MYO18A: variants seen among roughly 807,000 people sequenced by gnomAD.
The protein encoded by MYO18A is unconventional myosin-XVIIIa.
Under a neutral mutation model 235.8 loss-of-function variants are expected in MYO18A, and 78 were observed. That is an observed-to-expected ratio of 0.33 (90% CI 0.28 to 0.40). The LOEUF (loss-of-function observed/expected upper bound fraction) is 0.40, where lower values mean the gene tolerates loss of function less well. Among genes scored for constraint, MYO18A ranks in the 10% least tolerant of loss-of-function variants. The pLI is 1.00. For missense variants in MYO18A, 2,215 were observed against 2,699.3 expected (o/e 0.82, Z 3.98); for synonymous variants, 977 against 1,077.8 (o/e 0.91, Z 1.83).
chr17:29,102,390 G>A (rs2066676184), intron 21 of MYO18A, among the ~76,000 whole-genome samples: 1 of 152,212 alleles, frequency 6.6e-6, no homozygotes, highest in African/African-American at 2.4e-5. Context: ...GAGAGACCCT[G>A]CAGCTGAAGC....
chr17:29,115,394 G>A lies in MYO18A; in HGVS notation c.2275C>T (p.Leu759Phe), dbSNP rs373436422. The A allele has an allele frequency of 3.7e-6, 6 of 1,613,774 alleles. No individual in the cohort carries two copies. The highest frequency in any genetic ancestry group is 2.7e-5 in the African/African-American group (2 of 74,936). The change falls in exon 13 of 42, where the codon CTC (leucine) becomes TTC (phenylalanine). Residue 759 changes from leucine (L) to phenylalanine (F), a missense_variant. By Grantham distance (22) the Leu-to-Phe change is conservative. Transcript: ENST00000527372. ...AGAAGGGTGAAGAGCTCGCTGTAGA[G>A]GCCGGCCGCCATGCCCTCAAGGCAC... is the stretch of plus-strand genomic sequence containing the variant. ...LECLEGMAAG[L>F]YSELFTLLVS...
chr17:29,134,788 G>T lies in MYO18A; in HGVS notation c.1000-12535C>A, dbSNP rs562196991. Among the ~76,000 whole-genome samples the T allele has an allele frequency of 5.9e-5, 9 of 152,262 alleles. No homozygotes were observed. In the South Asian group the frequency reaches 1.9e-3, roughly 32 times the overall value. On this transcript the variant is annotated intron_variant, in intron 2 of 41. Coordinates refer to ENST00000527372, the MANE Select transcript of MYO18A (RefSeq NM_078471.4). ...CCCACCTGCCTCAGCTTCCCAAAGC[G>T]CTGGGATTACAGGTGTGAGCCACCA...
chr17:29,075,296 T>G, intron 41 of MYO18A: 1 of 201,280 alleles, frequency 5.0e-6, no homozygotes, highest in Non-Finnish European at 1.1e-5. Context: ...TGAACCACAT[T>G]GGCTTGGAGA....
chr17:29,089,290 A>G (rs1402761136), intron 37 of MYO18A, among the ~76,000 whole-genome samples: 5 of 150,902 alleles, frequency 3.3e-5, no homozygotes, highest in Non-Finnish European at 7.4e-5. Context: ...TAAAAAAAGC[A>G]CGTGCCTGTA....
Position 29,111,765 on chromosome 17 carries a change from C to T in MYO18A, c.2697G>A (p.Glu899=). The stretch of plus-strand genomic sequence containing the variant: ...GGGGGCCATAATAGGAGAAAAGGCG[C>T]TCCAGGAGGGTGTCCTCACTGGCCC... ...VPGASEDTLL[E]RLFSYYGPQE... The change falls in exon 16 of 42, where the codon GAG becomes GAA. Residue 899 remains glutamate, a synonymous_variant. Transcript: ENST00000527372. This position sits in a 1 kb window ranked among gnomAD's most constrained non-coding sequence, Gnocchi z 5.1. 1 of 1,613,854 alleles carries T rather than the reference C, an allele frequency of 6.2e-7. No individual in the cohort carries two copies. Among genetic ancestry groups the T allele is most frequent in the Non-Finnish European group, 8.5e-7 (1 of 1,179,826 alleles).
At chr17:29,098,074 C>T (rs752837635) in intron 25 of MYO18A, 31 bp downstream of exon 25, 78 of 1,609,194 alleles carry the variant, frequency 4.8e-5, no homozygotes, top group Non-Finnish European at 6.2e-5. Context: ...CAGTCACCAG[C>T]CTGCTGTTCT....
At position 29,109,955 on chromosome 17, in the gene MYO18A, G is replaced by A; in HGVS notation, c.3234C>T (p.Asp1078=). 6.2e-7 allele frequency: 1 copy of A among 1,609,290 alleles called. No individual in the cohort carries two copies. The highest frequency in any genetic ancestry group is 8.5e-7 in the Non-Finnish European group (1 of 1,178,110). ...GCTGCAGGAGCCCAGCCTCGCAGTG[G>A]TCTCCCGAGGGCAGGTCCAGCTCAC... is the stretch of plus-strand genomic sequence containing the variant. The part of the protein sequence containing the change: ...SSSELDLPSG[D]HCEAGLLQLD... Residue 1078 remains aspartate, a synonymous_variant, in exon 19 of 42, where the codon GAC becomes GAT. Coordinates refer to ENST00000527372, the MANE Select transcript of MYO18A (RefSeq NM_078471.4). This position sits in a 1 kb window ranked among gnomAD's most constrained non-coding sequence, Gnocchi z 4.1.
rs755474433 is a variant in MYO18A, at chr17:29,087,002, G to A, written c.5646C>T (p.Asp1882=). 6.2e-6 allele frequency: 10 copies of A among 1,613,898 alleles called. No individual in the cohort carries two copies. Among genetic ancestry groups the A allele is most frequent in the East Asian group, 2.2e-5 (1 of 44,898 alleles). The stretch of plus-strand genomic sequence containing the variant: ...CAAGCTCGCCCATCTCCTCCTTGGT[G>A]TCCCGGAGCTGCCTCTGTAGCCGCT... ...QNKRLQRQLR[D]TKEEMGELAR... The change falls in exon 38 of 42, where the codon GAC becomes GAT. Residue 1882 remains aspartate (D), a synonymous_variant. Coordinates refer to ENST00000527372, the MANE Select transcript of MYO18A (RefSeq NM_078471.4).
chr17:29,109,066 T>C lies in MYO18A; in HGVS notation c.3331+792A>G, dbSNP rs2066863796. 6.6e-6 allele frequency among the ~76,000 whole-genome samples: 1 copy of C among 151,698 alleles called. No individual in the cohort carries two copies. The highest frequency in any genetic ancestry group is 1.5e-5 in the Non-Finnish European group (1 of 67,936). ...CCCATGGGAATGCCTGAAGGGGACCTGGCTGTGGGTGGGTGGGACCCTACC... is the reference window on the plus strand; with the variant it reads ...CCCATGGGAATGCCTGAAGGGGACCCGGCTGTGGGTGGGTGGGACCCTACC... On this transcript the variant is annotated intron_variant, in intron 19 of 41. Coordinates refer to ENST00000527372, the MANE Select transcript of MYO18A (RefSeq NM_078471.4). This position sits in a 1 kb window ranked among gnomAD's most constrained non-coding sequence, Gnocchi z 4.1.
chr17:29,123,618 G>C (rs2067252054), intron 2 of MYO18A, among the ~76,000 whole-genome samples: 1 of 152,346 alleles, frequency 6.6e-6, no homozygotes, highest in South Asian at 2.1e-4. Flanking sequence ...GGCTGCACCA[G>C]TGGCTCCCAG....
At chr17:29,116,920 G>C (rs927679201) in intron 10 of MYO18A, among the ~76,000 whole-genome samples, 1 of 151,858 alleles carries the variant, frequency 6.6e-6, no homozygotes. Context: ...ACGCCTGCCC[G>C]CCTGTCTGTC....
chr17:29,172,647 C>G (rs376579164), intron 1 of MYO18A, among the ~76,000 whole-genome samples: 90 of 152,084 alleles, frequency 5.9e-4, no homozygotes, highest in African/African-American at 2.1e-3. Flanking sequence ...CAGAGAGGTA[C>G]CTAATAGTAG....
chr17:29,132,483 C>T (rs926882639), intron 2 of MYO18A, among the ~76,000 whole-genome samples: 1 of 152,220 alleles, frequency 6.6e-6, no homozygotes, highest in African/African-American at 2.4e-5. Context: ...TCCTCCTCAG[C>T]GTGCCTCTCC....
At chr17:29,173,176 T>G (rs568244488) in intron 1 of MYO18A, among the ~76,000 whole-genome samples, 2 of 151,652 alleles carry the variant, frequency 1.3e-5, no homozygotes, top group African/African-American at 4.8e-5. Flanking sequence ...CTCACTGCAA[T>G]CCGCCTCCCG....
At chr17:29,136,393 G>A (rs920253543) in intron 2 of MYO18A, among the ~76,000 whole-genome samples, 13 of 150,796 alleles carry the variant, frequency 8.6e-5, no homozygotes, top group African/African-American at 2.4e-4. Flanking sequence ...CAAAGGTGGT[G>A]GCAGCATATG....
intron 37 of MYO18A, 73 bp from the exon 38 acceptor site, chr17:29,087,194 G>A (rs2066277338): frequency 1.3e-6 from 2 of 1,490,632 alleles, no homozygotes; most frequent in Non-Finnish European, 1.8e-6. Flanking sequence ...GTGTGGCAGA[G>A]CTCTGGGTGA....
Position 29,151,266 on chromosome 17 carries a change from G to A in MYO18A, c.999+14676C>T, listed in dbSNP as rs865969764. On this transcript the variant is annotated intron_variant, in intron 2 of 41. Transcript: ENST00000527372. The stretch of plus-strand genomic sequence containing the variant: ...ATTCCAGTTAAATGGAAACAATGAG[G>A]ATACTTCTGATTAAATTAAAATCAA... 2.0e-5 allele frequency among the ~76,000 whole-genome samples: 3 copies of A among 152,138 alleles called. No individual in the cohort carries two copies. In the South Asian group the frequency reaches 6.2e-4, roughly 32 times the overall value.
At position 29,099,735 on chromosome 17, in the gene MYO18A, G is replaced by A. The variant is rs115267475; in HGVS notation, c.3535C>T (p.Arg1179Trp). Residue 1179 changes from arginine to tryptophan, a missense_variant, in exon 22 of 42, where the codon CGG becomes TGG. Physicochemically the swap from Arg to Trp is moderately radical, Grantham distance 101 (BLOSUM62 -3). Coordinates refer to ENST00000527372, the MANE Select transcript of MYO18A (RefSeq NM_078471.4). ...RVFFRAGTLA[R>W]LEEQRDEQTS... is the part of the protein sequence containing the mutation. Reference sequence around the variant, plus strand: ...TGTTCATCCCGCTGCTCCTCCAGCCGTGCCAAGGTGCCCGCCCGGAAGAAC... The same window carrying A: ...TGTTCATCCCGCTGCTCCTCCAGCCATGCCAAGGTGCCCGCCCGGAAGAAC... 1.4e-3 allele frequency: 2,284 copies of A among 1,613,256 alleles called. 25 individuals carry two copies. In the African/African-American group the frequency reaches 0.023, roughly 16 times the overall value.
At chr17:29,103,143 C>T (rs2066696950) in intron 21 of MYO18A, among the ~76,000 whole-genome samples, 1 of 152,252 alleles carries the variant, frequency 6.6e-6, no homozygotes, top group Non-Finnish European at 1.5e-5. Flanking sequence ...GTGGTGGTGG[C>T]ACAGCCTCAC....
Sources: allele counts gnomAD v4.1 joint callset (sites outside exome capture counted in the v4.1 genomes callset), GRCh38; gene constraint gnomAD v4.1.1; non-coding constraint Gnocchi (gnomAD v3.1); transcripts MANE v1.5; gene names NCBI Gene and HGNC (gene_info 2026-07-23, HGNC 2026-07-21).